LYPLAL1: variants seen among roughly 807,000 people sequenced by gnomAD.
The protein encoded by LYPLAL1 is lysophospholipase like 1.
In LYPLAL1, 23 loss-of-function variants were observed where a neutral mutation model predicts 19.7. The ratio of observed to expected loss-of-function variants is 1.17; its 90% CI spans 0.84 to 1.65. The LOEUF (loss-of-function observed/expected upper bound fraction) is 1.65. Among genes scored for constraint, LYPLAL1 ranks in the 40% most tolerant of loss-of-function variants. The pLI, the probability that LYPLAL1 is intolerant of heterozygous loss-of-function variation, is 0.00. For synonymous variants in LYPLAL1, 119 were observed against 96.3 expected, an observed-to-expected ratio of 1.24 and a Z score of -1.38; for missense variants, 355 against 279.4, an observed-to-expected ratio of 1.27 and a Z score of -1.93.
At chr1:219,252,422 A>G in the LYPLAL1 span, among the ~76,000 whole-genome samples, 31 of 152,258 alleles carry the variant, frequency 2.0e-4, no homozygotes, top group African/African-American at 7.0e-4. Flanking sequence ...TAGGTTTGTC[A>G]TAGATGGCTC....
chr1:219,280,736 G>A, the LYPLAL1 span, among the ~76,000 whole-genome samples: 146,347 of 152,222 alleles, frequency 0.96, 70,620 homozygotes, highest in East Asian at 1. Flanking sequence ...CTCTGCAAAA[G>A]GACTCTTAAC....
At chr1:219,227,979 A>C in the LYPLAL1 span, among the ~76,000 whole-genome samples, 2 of 152,128 alleles carry the variant, frequency 1.3e-5, no homozygotes, top group Non-Finnish European at 2.9e-5. Flanking sequence ...TTCAGGACCC[A>C]AGTTCATCCC....
the LYPLAL1 span, among the ~76,000 whole-genome samples, chr1:219,403,521 G>A: frequency 7.9e-5 from 12 of 152,102 alleles, no homozygotes; most frequent in African/African-American, 1.7e-4. Flanking sequence ...TAAAAGACGC[G>A]GCAGGAAGAG....
chr1:219,176,634 G>C (rs1655832556), intron 1 of LYPLAL1, among the ~76,000 whole-genome samples: 2 of 152,020 alleles, frequency 1.3e-5, no homozygotes, highest in Admixed American at 1.3e-4. Flanking sequence ...TTAATGATGG[G>C]GTTTCTCTAA....
At chr1:219,246,631 G>A in the LYPLAL1 span, among the ~76,000 whole-genome samples, 1 of 152,120 alleles carries the variant, frequency 6.6e-6, no homozygotes, top group Non-Finnish European at 1.5e-5. Flanking sequence ...CTGTTGCCCA[G>A]GCTCAAGTGC....
chr1:219,376,795 G>A, the LYPLAL1 span, among the ~76,000 whole-genome samples: 1 of 152,118 alleles, frequency 6.6e-6, no homozygotes, highest in Non-Finnish European at 1.5e-5. Flanking sequence ...TGGGCAATTA[G>A]CAACACAGAC....
chr1:219,282,410 G>A, the LYPLAL1 span, among the ~76,000 whole-genome samples: 2 of 151,570 alleles, frequency 1.3e-5, no homozygotes, highest in African/African-American at 4.8e-5. Flanking sequence ...GAAAATGAAG[G>A]GGGGATATTA....
chr1:219,413,736 C>A, the LYPLAL1 span, among the ~76,000 whole-genome samples: 1 of 152,176 alleles, frequency 6.6e-6, no homozygotes, highest in Non-Finnish European at 1.5e-5. Flanking sequence ...CCAAAGTGCT[C>A]ACAATTCTCA....
At chr1:219,258,470 A>C in the LYPLAL1 span, among the ~76,000 whole-genome samples, 6 of 152,030 alleles carry the variant, frequency 3.9e-5, no homozygotes, top group Non-Finnish European at 8.8e-5. Flanking sequence ...CCTGCAACAA[A>C]TAGCATATTT....
At chr1:219,242,412 G>A in the LYPLAL1 span, among the ~76,000 whole-genome samples, 1 of 152,174 alleles carries the variant, frequency 6.6e-6, no homozygotes, top group African/African-American at 2.4e-5. Flanking sequence ...CAGGGGTCAT[G>A]GAGAATGATG....
At chr1:219,276,137 T>A in the LYPLAL1 span, among the ~76,000 whole-genome samples, 12 of 152,276 alleles carry the variant, frequency 7.9e-5, no homozygotes, top group African/African-American at 2.9e-4. Context: ...AATTTGCCTC[T>A]CACTCAAGTC....
chr1:219,181,302 C>T (rs181768432), intron 2 of LYPLAL1, among the ~76,000 whole-genome samples: 1 of 152,202 alleles, frequency 6.6e-6, no homozygotes, highest in East Asian at 1.9e-4. Flanking sequence ...GCCCTGGCTA[C>T]ATTTACGTGC....
chr1:219,195,461 TA>T (rs1180123614), intron 3 of LYPLAL1, among the ~76,000 whole-genome samples: 5 of 151,982 alleles, frequency 3.3e-5, no homozygotes, highest in South Asian at 2.1e-4. Flanking sequence ...AAAAAATAGA[TA>T]AAAGGAGAAA....
At chr1:219,410,342 C>A in the LYPLAL1 span, 1 of 152,176 alleles carries the variant, frequency 6.6e-6, no homozygotes, top group East Asian at 1.9e-4. Flanking sequence ...TTAAACAGAA[C>A]GTAGTTTAAT....
the LYPLAL1 span, among the ~76,000 whole-genome samples, chr1:219,246,782 C>G: frequency 2.0e-5 from 3 of 152,164 alleles, no homozygotes; most frequent in Non-Finnish European, 2.9e-5. Context: ...GATGGAGTTT[C>G]ACCATATTGC....
the LYPLAL1 span, among the ~76,000 whole-genome samples, chr1:219,380,939 TTTGCCAACCC>T: frequency 3.3e-5 from 5 of 152,120 alleles, no homozygotes; most frequent in Non-Finnish European, 7.4e-5. Flanking sequence ...GGGGCCATAG[TTTGCCAACCC>T]TTGCTCTGTA....
chr1:219,216,457 C>A (rs945901499), downstream of LYPLAL1, among the ~76,000 whole-genome samples: 2 of 152,060 alleles, frequency 1.3e-5, no homozygotes, highest in African/African-American at 4.8e-5. Flanking sequence ...CTGGTGGTAG[C>A]AGAGCAGTGT....
At chr1:219,443,633 C>T in the LYPLAL1 span, among the ~76,000 whole-genome samples, 15,080 of 151,370 alleles carry the variant, frequency 0.1, 759 homozygotes, top group Middle Eastern at 0.19. Flanking sequence ...ATAAGCTAAC[C>T]GATCTAAACA....
At chr1:219,427,110 T>C in the LYPLAL1 span, among the ~76,000 whole-genome samples, 1,627 of 152,334 alleles carry the variant, frequency 0.011, 27 homozygotes, top group East Asian at 0.06. Flanking sequence ...TTTTAAGATT[T>C]CCCATGTGGT....
Sources: gnomAD v4.1 joint callset for allele counts (sites outside exome capture counted in the v4.1 genomes callset) on GRCh38, gnomAD v4.1.1 for gene constraint, MANE v1.5 for transcripts, NCBI Gene and HGNC (gene_info 2026-07-23, HGNC 2026-07-21) for gene names.